Variants in MAGI2 observed in about 807,000 individuals in gnomAD.
MAGI2 encodes the protein membrane associated guanylate kinase, WW and PDZ domain containing 2, also known as membrane-associated guanylate kinase, WW and PDZ domain-containing protein 2.
A neutral mutation model predicts 133.3 loss-of-function variants in MAGI2; 35 were observed. The ratio of observed to expected loss-of-function variants is 0.26; its 90% CI spans 0.20 to 0.35. The LOEUF (loss-of-function observed/expected upper bound fraction) is 0.35. Ranked by LOEUF, MAGI2 falls within the 10% of genes least tolerant of loss-of-function variation. The pLI is 1.00. For synonymous variants in MAGI2, 729 were observed against 710.6 expected (o/e 1.03, Z -0.41); for missense variants, 1,636 against 1,863.4 (o/e 0.88, Z 2.25).
In MAGI2 at chr7:79,214,397, CTCTCTCTCTCTATATATATATA is replaced by C. The variant is rs1384393450; in HGVS notation, c.302-207213_302-207192del. On this transcript the variant is annotated intron_variant, in intron 1 of 21. Transcript: ENST00000354212. ...TCTCTCTCTCTCTCTCTCTCTCTCT[CTCTCTCTCTCTATATATATATA>C]TATATATATATATATATATATATAA... Among the ~76,000 whole-genome samples, 21 of 82,734 alleles carry C rather than the reference CTCTCTCTCTCTATATATATATA, an allele frequency of 2.5e-4. No individual in the cohort carries two copies. In the East Asian group the frequency reaches 3.3e-3, roughly 13 times the overall value. 54.3% of individuals were successfully genotyped at this position (82,734 alleles called of 152,430 possible). A position where few individuals can be genotyped will look rare whatever the true frequency, so the allele number is the denominator to read the frequency against.
intron 21 of MAGI2, among the ~76,000 whole-genome samples, chr7:78,054,273 G>A (rs936494030): frequency 1.3e-5 from 2 of 152,052 alleles, no homozygotes; most frequent in African/African-American, 4.8e-5. Flanking sequence ...CTACAAGTGT[G>A]CATCACCACG....
chr7:78,963,646 A>G (rs1803053512), intron 2 of MAGI2, among the ~76,000 whole-genome samples: 1 of 152,028 alleles, frequency 6.6e-6, no homozygotes, highest in Non-Finnish European at 1.5e-5. Flanking sequence ...TCCATACTTG[A>G]GCAGAAATTG....
intron 9 of MAGI2, among the ~76,000 whole-genome samples, chr7:78,266,736 C>A (rs1408434858): frequency 6.6e-6 from 1 of 151,744 alleles, no homozygotes; most frequent in Non-Finnish European, 1.5e-5. Flanking sequence ...CGCCACTACA[C>A]CAGGCTAATT....
chr7:78,291,671 C>A (rs539438114), intron 9 of MAGI2, among the ~76,000 whole-genome samples: 94 of 152,212 alleles, frequency 6.2e-4, no homozygotes, highest in Non-Finnish European at 1.1e-3. Flanking sequence ...AACATCGATG[C>A]AAAAATCCTC....
chr7:78,838,041 C>G (rs1306927378), intron 2 of MAGI2, among the ~76,000 whole-genome samples: 1 of 152,092 alleles, frequency 6.6e-6, no homozygotes, highest in Non-Finnish European at 1.5e-5. Flanking sequence ...TAGATTGACT[C>G]TCCTCATGCA....
intron 7 of MAGI2, among the ~76,000 whole-genome samples, chr7:78,360,299 A>G (rs1792642267): frequency 6.6e-6 from 1 of 152,144 alleles, no homozygotes; most frequent in Non-Finnish European, 1.5e-5. Flanking sequence ...AGAAAGAATT[A>G]TTTTCCAACA....
intron 20 of MAGI2, among the ~76,000 whole-genome samples, chr7:78,103,180 G>A (rs1818354045): frequency 6.6e-6 from 1 of 152,132 alleles, no homozygotes; most frequent in Non-Finnish European, 1.5e-5. Flanking sequence ...TACAGCTATA[G>A]GGATTGCATA....
chr7:79,210,480 T>C (rs1452359276), intron 1 of MAGI2, among the ~76,000 whole-genome samples: 1 of 152,060 alleles, frequency 6.6e-6, no homozygotes, highest in African/African-American at 2.4e-5. Flanking sequence ...TGTGATTTTA[T>C]GTTAAGGCCC....
chr7:78,775,459 A>G (rs2151328450), intron 2 of MAGI2, among the ~76,000 whole-genome samples: 1 of 151,996 alleles, frequency 6.6e-6, no homozygotes, highest in South Asian at 2.1e-4. Flanking sequence ...TTGTTATGAA[A>G]CCAACTGAGA....
At position 78,298,588 on chromosome 7, in the gene MAGI2, A is replaced by T. The variant is rs138499367; in HGVS notation, c.1409-42007T>A. Among the ~76,000 whole-genome samples the T allele has an allele frequency of 2.4e-3, 361 of 151,980 alleles. 2 individuals carry two copies. The highest frequency in any genetic ancestry group is 8.3e-3 in the African/African-American group (342 of 41,446). On this transcript the variant is annotated intron_variant, in intron 9 of 21. Transcript: ENST00000354212. ...GTGTGATCTCTGCTCACTGCAACCT[A>T]TGCCTTCTGGGTTCAAACAACTCTT...
At chr7:78,447,629 C>T (rs1426919092) in intron 6 of MAGI2, among the ~76,000 whole-genome samples, 1 of 152,014 alleles carries the variant, frequency 6.6e-6, no homozygotes, top group Non-Finnish European at 1.5e-5. Flanking sequence ...GACTAGCTCA[C>T]CTGGGGACAC....
chr7:78,602,088 C>A (rs1418004489), intron 3 of MAGI2, among the ~76,000 whole-genome samples: 2 of 152,162 alleles, frequency 1.3e-5, no homozygotes, highest in Non-Finnish European at 2.9e-5. Flanking sequence ...CTGGCCCAAG[C>A]TCTGGAACAA....
intron 1 of MAGI2, among the ~76,000 whole-genome samples, chr7:79,355,154 G>A (rs1047112106): frequency 6.6e-6 from 1 of 152,288 alleles, no homozygotes; most frequent in Admixed American, 6.5e-5. Context: ...CTTCGTTCCT[G>A]CCACTAACCC....
chr7:78,063,968 C>A (rs1813547622), intron 21 of MAGI2, among the ~76,000 whole-genome samples: 1 of 152,146 alleles, frequency 6.6e-6, no homozygotes, highest in African/African-American at 2.4e-5. Flanking sequence ...GAACTGAAAC[C>A]ACAAAGAGCC....
chr7:79,162,131 G>T (rs191789138), intron 1 of MAGI2, among the ~76,000 whole-genome samples: 17 of 151,886 alleles, frequency 1.1e-4, no homozygotes, highest in African/African-American at 4.1e-4. Flanking sequence ...GCCCTAAGTT[G>T]TTTTTTCGAT....
intron 7 of MAGI2, among the ~76,000 whole-genome samples, chr7:78,365,923 TCA>T (rs1793329247): frequency 6.6e-6 from 1 of 152,236 alleles, no homozygotes; most frequent in South Asian, 2.1e-4. Context: ...CAATCTGATG[TCA>T]CAGAGCCCAA....
rs561491406 is a variant in MAGI2, at chr7:79,383,382, A to G, written c.301+69638T>C. Among the ~76,000 whole-genome samples, 13 of 151,760 alleles carry G rather than the reference A, an allele frequency of 8.6e-5. No homozygotes were observed. In the East Asian group the frequency reaches 2.1e-3, roughly 25 times the overall value. Reference sequence around the variant, plus strand: ...ATGGCTAGTAAAAACATTCACAAGGAAAGTTTAGGAAGGGTTCAGTAATAT... The same window carrying G: ...ATGGCTAGTAAAAACATTCACAAGGGAAGTTTAGGAAGGGTTCAGTAATAT... On this transcript the variant is annotated intron_variant, in intron 1 of 21. Coordinates refer to ENST00000354212, the MANE Select transcript of MAGI2 (RefSeq NM_012301.4).
intron 3 of MAGI2, among the ~76,000 whole-genome samples, chr7:78,586,556 C>CT (rs1441884655): frequency 3.3e-5 from 5 of 152,126 alleles, no homozygotes; most frequent in African/African-American, 9.7e-5. Flanking sequence ...CAACTTCCAC[C>CT]TTTTTTTCAG....
At chr7:78,145,566 G>C (rs1823223077) in intron 16 of MAGI2, among the ~76,000 whole-genome samples, 1 of 152,086 alleles carries the variant, frequency 6.6e-6, no homozygotes, top group African/African-American at 2.4e-5. Flanking sequence ...GGTAGAATTA[G>C]TACCATTATA....
Sources: gnomAD v4.1 joint callset for allele counts (sites outside exome capture counted in the v4.1 genomes callset) on GRCh38, gnomAD v4.1.1 for gene constraint, MANE v1.5 for transcripts, NCBI Gene and HGNC (gene_info 2026-07-23, HGNC 2026-07-21) for gene names.